The following DENND1A variants were observed in gnomAD, a reference collection of about 807,000 sequenced individuals.
The protein encoded by DENND1A is DENN domain containing 1A, also known as DENN domain-containing protein 1A.
In DENND1A, 51 loss-of-function variants were observed where a neutral mutation model predicts 113.7. The observed-to-expected ratio is 0.45, with a 90% CI of 0.36 to 0.57. The LOEUF (loss-of-function observed/expected upper bound fraction) is 0.57, where lower values mean the gene tolerates loss of function less well. Ranked by LOEUF, DENND1A falls within the 20% of genes least tolerant of loss-of-function variation. The pLI is 0.00. For synonymous variants in DENND1A, 565 were observed against 570.8 expected (o/e 0.99, Z 0.14); for missense variants, 1,258 against 1,395.9 (o/e 0.90, Z 1.57).
intron 1 of DENND1A, among the ~76,000 whole-genome samples, chr9:123,913,713 C>T (rs1854501635): frequency 6.6e-6 from 1 of 151,852 alleles, no homozygotes; most frequent in South Asian, 2.1e-4. Context: ...CGAGACTAGC[C>T]TGACCAACAT....
intron 2 of DENND1A, among the ~76,000 whole-genome samples, chr9:123,835,419 A>G (rs1467873644): frequency 6.6e-6 from 1 of 152,168 alleles, no homozygotes; most frequent in Non-Finnish European, 1.5e-5. Flanking sequence ...CAACAATACA[A>G]TCATGGTAGA....
chr9:123,636,915 C>T (rs1369467849), intron 9 of DENND1A, among the ~76,000 whole-genome samples: 4 of 152,080 alleles, frequency 2.6e-5, no homozygotes, highest in African/African-American at 4.8e-5. Flanking sequence ...AGGCTGGTCT[C>T]GAACTCCTGA....
intron 5 of DENND1A, among the ~76,000 whole-genome samples, chr9:123,757,359 T>C (rs1444840031): frequency 6.6e-6 from 1 of 152,144 alleles, no homozygotes; most frequent in African/African-American, 2.4e-5. Context: ...TAATCTTACA[T>C]ACACAAAATG....
rs371656101 is a variant in DENND1A, at chr9:123,446,656, C to A, written c.1356+4037G>T. On this transcript the variant is annotated intron_variant, in intron 18 of 23. Coordinates refer to ENST00000394215, the MANE Select transcript of DENND1A (RefSeq NM_001352964.2). ...TATGGGCAACACAGCAAAACTCTGT[C>A]CCTAAAAAAAATTAGCCAGGCATGG... 1.3e-4 allele frequency among the ~76,000 whole-genome samples: 20 copies of A among 152,056 alleles called. No homozygotes were observed. The East Asian group carries it at 3.5e-3, about 27-fold the overall frequency.
At chr9:123,845,307 C>T (rs1038471481) in intron 2 of DENND1A, among the ~76,000 whole-genome samples, 1 of 152,058 alleles carries the variant, frequency 6.6e-6, no homozygotes, top group Non-Finnish European at 1.5e-5. Flanking sequence ...GGGCAATTGA[C>T]TATCTACGTT....
intron 13 of DENND1A, among the ~76,000 whole-genome samples, chr9:123,541,119 T>TC (rs1259309803): frequency 1.3e-5 from 2 of 152,254 alleles, no homozygotes; most frequent in Admixed American, 6.5e-5. Flanking sequence ...GACTAGGACT[T>TC]CATTTTGTTC....
chr9:123,884,995 GCGCACACA>G (rs1848822050), intron 1 of DENND1A, among the ~76,000 whole-genome samples: 1 of 126,192 alleles, frequency 7.9e-6, no homozygotes, highest in Middle Eastern at 3.8e-3. Flanking sequence ...GCGAGCGCGC[GCGCACACA>G]CACACACACA....
intron 1 of DENND1A, among the ~76,000 whole-genome samples, chr9:123,913,700 G>A (rs888621755): frequency 6.6e-6 from 1 of 152,014 alleles, no homozygotes; most frequent in East Asian, 1.9e-4. Context: ...GAGGTCAGGA[G>A]TTCGAGACTA....
chr9:123,724,272 C>T (rs1325711733), intron 5 of DENND1A, among the ~76,000 whole-genome samples: 2 of 152,152 alleles, frequency 1.3e-5, no homozygotes, highest in African/African-American at 4.8e-5. Context: ...AGGGAGCATC[C>T]AGGAGATCAA....
intron 6 of DENND1A, 90 bp from the exon 7 acceptor site, chr9:123,671,461 G>C: frequency 2.4e-6 from 3 of 1,249,634 alleles, no homozygotes; most frequent in South Asian, 2.6e-5. Context: ...ATGACTGAGG[G>C]GGCTGGGGAG....
intron 9 of DENND1A, among the ~76,000 whole-genome samples, chr9:123,647,397 G>A (rs1191530162): frequency 2.0e-5 from 3 of 152,126 alleles, no homozygotes; most frequent in Non-Finnish European, 4.4e-5. Context: ...TGGCAACAAG[G>A]ACCATATGAC....
intron 13 of DENND1A, among the ~76,000 whole-genome samples, chr9:123,550,445 G>A (rs977695331): frequency 3.3e-5 from 5 of 152,244 alleles, no homozygotes; most frequent in Non-Finnish European, 5.9e-5. Context: ...GCACAGAAGA[G>A]GACGCGTCTT....
rs538771362 is a variant in DENND1A at position 123,788,646 on chromosome 9, A to G, written c.132+3941T>C. ...ACTTTTAATGTCTGATTGACATGAT[A>G]TATTTGAGAAACCAATTTCTAGAAA... On this transcript the variant is annotated intron_variant, in intron 3 of 23. Coordinates refer to ENST00000394215, the MANE Select transcript of DENND1A (RefSeq NM_001352964.2). Among the ~76,000 whole-genome samples the G allele has an allele frequency of 3.9e-4, 60 of 152,222 alleles. 1 individual carries two copies. The highest frequency in any genetic ancestry group is 1.4e-3 in the African/African-American group (60 of 41,570).
At chr9:123,469,639 A>C (rs1447106456) in intron 13 of DENND1A, among the ~76,000 whole-genome samples, 5 of 152,238 alleles carry the variant, frequency 3.3e-5, no homozygotes, top group Non-Finnish European at 7.3e-5. Flanking sequence ...TACTAGCGTA[A>C]GATTTTCTTC....
In DENND1A at chr9:123,381,839, C is replaced by G. The variant is rs1381352163; in HGVS notation, c.2806G>C (p.Ala936Pro). Residue 936 changes from alanine to proline, a missense_variant, in exon 24 of 24, where the codon GCT (alanine) becomes CCT (proline). By Grantham distance (27) the Ala-to-Pro change is conservative. Coordinates refer to ENST00000394215, the MANE Select transcript of DENND1A (RefSeq NM_001352964.2). The surrounding 1 kb of genome is among the most constrained non-coding windows in gnomAD (Gnocchi z 4.7). ...GACCTGTGAGGGGCACAGAAGCCAGCACTGGACAGCAGGAGGCCGGACGCA... is the reference window on the plus strand; with the variant it reads ...GACCTGTGAGGGGCACAGAAGCCAGGACTGGACAGCAGGAGGCCGGACGCA... ...AFASGLLLSSAGFCAPHRSQP... is the reference protein window; with the variant it reads ...AFASGLLLSSPGFCAPHRSQP... 2.7e-6 allele frequency: 4 copies of G among 1,493,548 alleles called. No homozygotes were observed. In the African/African-American group the frequency reaches 5.7e-5, roughly 21 times the overall value. The allele number at this position is 1,493,548 out of a possible 1,614,324, so 92.5% of individuals were successfully genotyped here.
chr9:123,419,940 G>A (rs2045104533), intron 19 of DENND1A, among the ~76,000 whole-genome samples: 1 of 152,188 alleles, frequency 6.6e-6, no homozygotes, highest in African/African-American at 2.4e-5. Context: ...AGAAGACCAG[G>A]CCCTGGTGTC....
At chr9:123,601,465 G>A (rs1404890637) in intron 11 of DENND1A, among the ~76,000 whole-genome samples, 1 of 152,242 alleles carries the variant, frequency 6.6e-6, no homozygotes, top group African/African-American at 2.4e-5. Flanking sequence ...CGAGGCCTAA[G>A]GTGAGCAGAG....
intron 13 of DENND1A, among the ~76,000 whole-genome samples, chr9:123,490,594 A>G (rs958535923): frequency 8.5e-5 from 13 of 152,212 alleles, no homozygotes; most frequent in Admixed American, 2.0e-4. Flanking sequence ...ATCTAAAAAT[A>G]AAACAAAAAA....
At chr9:123,698,610 T>G (rs1381341440) in intron 5 of DENND1A, among the ~76,000 whole-genome samples, 3 of 152,350 alleles carry the variant, frequency 2.0e-5, no homozygotes, top group Non-Finnish European at 4.4e-5. Flanking sequence ...ACTAAAGTTG[T>G]TTCTCCTTCG....
Sources: gnomAD v4.1 joint callset for allele counts (sites outside exome capture counted in the v4.1 genomes callset) on GRCh38, gnomAD v4.1.1 for gene constraint, Gnocchi (gnomAD v3.1) non-coding constraint, MANE v1.5 for transcripts, NCBI Gene and HGNC (gene_info 2026-07-23, HGNC 2026-07-21) for gene names.